UBE2U: variants seen among roughly 807,000 people sequenced by gnomAD.
The protein encoded by UBE2U is ubiquitin-conjugating enzyme E2 U.
UBE2U carries 39 observed loss-of-function variants against 41.2 expected under a neutral mutation model. The observed-to-expected ratio is 0.95, with a 90% CI of 0.73 to 1.24. The LOEUF is 1.24. UBE2U is among the 50% of genes most tolerant of loss of function. The pLI, the probability that UBE2U is intolerant of heterozygous loss-of-function variation, is 0.00. For missense variants in UBE2U, 336 were observed against 363.1 expected (o/e 0.93, Z 0.61); for synonymous variants, 107 against 117.8 (o/e 0.91, Z 0.60).
intron 4 of UBE2U, among the ~76,000 whole-genome samples, chr1:64,212,301 A>C (rs1651710599): frequency 6.6e-6 from 1 of 152,224 alleles, no homozygotes; most frequent in Non-Finnish European, 1.5e-5. Flanking sequence ...ATGATCCCAA[A>C]ATGTAATGAG....
chr1:64,227,026 C>T (rs368303363), intron 6 of UBE2U, among the ~76,000 whole-genome samples: 36 of 152,216 alleles, frequency 2.4e-4, no homozygotes, highest in African/African-American at 7.2e-4. Flanking sequence ...AGGGAAAAGC[C>T]GTAAAATTAT....
At chr1:64,240,285 A>G (rs825188) in intron 7 of UBE2U, among the ~76,000 whole-genome samples, 1,935 of 152,314 alleles carry the variant, frequency 0.013, 27 homozygotes, top group African/African-American at 0.044. Context: ...AAAAGAGTTT[A>G]TCACCAGGGC....
chr1:64,221,669 A>G (rs548037074), intron 6 of UBE2U, among the ~76,000 whole-genome samples: 1 of 152,330 alleles, frequency 6.6e-6, no homozygotes, highest in African/African-American at 2.4e-5. Context: ...TTTCTTGAGC[A>G]TTTCCATCAG....
intron 7 of UBE2U, among the ~76,000 whole-genome samples, 188 bp downstream of exon 7, chr1:64,232,837 C>G (rs964008578): frequency 6.6e-6 from 1 of 151,880 alleles, no homozygotes; most frequent in Non-Finnish European, 1.5e-5. Flanking sequence ...ATAATTTTAA[C>G]TTTTTGTCTT....
intron 8 of UBE2U, among the ~76,000 whole-genome samples, chr1:64,256,601 C>G (rs1645095688): frequency 6.6e-6 from 1 of 152,118 alleles, no homozygotes; most frequent in African/African-American, 2.4e-5. Context: ...TTCCTTCCAC[C>G]TTACACAAAA....
intron 3 of UBE2U, 41 bp from the exon 4 acceptor site, chr1:64,210,697 ATAAT>A: frequency 8.2e-7 from 1 of 1,226,174 alleles, no homozygotes; most frequent in Non-Finnish European, 1.1e-6. Flanking sequence ...GTTTTAAATA[ATAAT>A]TTATTATAAA....
At position 64,230,591 on chromosome 1, in the gene UBE2U, C is replaced by A. The variant is rs553009343; in HGVS notation, c.507-1970C>A. Among the ~76,000 whole-genome samples, 3 of 152,130 alleles carry A rather than the reference C, an allele frequency of 2.0e-5. No homozygotes were observed. The East Asian group carries it at 5.8e-4, about 29-fold the overall frequency. On this transcript the variant is annotated intron_variant, in intron 6 of 9. Transcript: ENST00000371077. ...ACTCTTCCCTTGGCCTACAGTGCCCCCTTATTTTTTTTTTCCAGACCTGTA... is the reference window on the plus strand; with the variant it reads ...ACTCTTCCCTTGGCCTACAGTGCCCACTTATTTTTTTTTTCCAGACCTGTA...
intron 8 of UBE2U, among the ~76,000 whole-genome samples, chr1:64,250,793 C>T (rs1179652247): frequency 6.6e-6 from 1 of 151,726 alleles, no homozygotes; most frequent in African/African-American, 2.4e-5. Flanking sequence ...AACCATCATT[C>T]TCAGCAAACT....
intron 7 of UBE2U, among the ~76,000 whole-genome samples, chr1:64,239,045 A>AAAG (rs552575122): frequency 1.7e-5 from 2 of 116,244 alleles, no homozygotes; most frequent in South Asian, 2.8e-4. Context: ...CCCATCTCAA[A>AAAG]AAGAAGAAGA....
intron 6 of UBE2U, among the ~76,000 whole-genome samples, chr1:64,224,459 T>A (rs901147682): frequency 1.3e-5 from 2 of 152,114 alleles, no homozygotes; most frequent in Non-Finnish European, 2.9e-5. Context: ...GCAGTGGCTC[T>A]TGCCTGTAAT....
intron 7 of UBE2U, among the ~76,000 whole-genome samples, chr1:64,234,911 C>T (rs990900158): frequency 1.3e-5 from 2 of 152,132 alleles, no homozygotes; most frequent in Non-Finnish European, 2.9e-5. Flanking sequence ...TTAATTGGCA[C>T]ACTCTAGGGA....
chr1:64,222,627 T>C (rs981844859), intron 6 of UBE2U, among the ~76,000 whole-genome samples: 2 of 152,222 alleles, frequency 1.3e-5, no homozygotes, highest in Non-Finnish European at 2.9e-5. Context: ...TGCACTTCGT[T>C]GTGTGTCTGT....
At chr1:64,249,370 T>C (rs1570120907) in intron 8 of UBE2U, among the ~76,000 whole-genome samples, 2 of 115,016 alleles carry the variant, frequency 1.7e-5, no homozygotes, top group Non-Finnish European at 1.7e-5. Flanking sequence ...AGAGTGAGAC[T>C]CTGTCTCAAA....
intron 8 of UBE2U, 113 bp from the exon 9 acceptor site, chr1:64,260,490 C>G (rs1645163835): frequency 2.7e-6 from 2 of 745,834 alleles, no homozygotes; most frequent in Admixed American, 2.9e-5. Context: ...ATATTCAAAG[C>G]CTATTGTTCT....
At chr1:64,259,656 A>T (rs372663283) in intron 8 of UBE2U, among the ~76,000 whole-genome samples, 2 of 152,184 alleles carry the variant, frequency 1.3e-5, no homozygotes, top group Admixed American at 6.5e-5. Context: ...TTTGTTGCCA[A>T]AAGTTTTCTT....
At chr1:64,226,691 A>G (rs1652891203) in intron 6 of UBE2U, among the ~76,000 whole-genome samples, 1 of 151,818 alleles carries the variant, frequency 6.6e-6, no homozygotes, top group Admixed American at 6.6e-5. Context: ...ATATTCAATT[A>G]TCTTTACAAC....
rs56972795 is a variant in UBE2U, at chr1:64,208,603, C to CAAAAAAAAAA, written c.241+1781_241+1790dup. ...TGGGCAACAGAACAAGACGCTGTCT[C>CAAAAAAAAAA]AAAAAAAAAAAAAAAAAAAAAAAAA... On this transcript the variant is annotated intron_variant, in intron 3 of 9. Transcript: ENST00000371077. 1.9e-4 allele frequency among the ~76,000 whole-genome samples: 7 copies of CAAAAAAAAAA among 36,506 alleles called. 1 individual carries two copies. Among genetic ancestry groups the CAAAAAAAAAA allele is most frequent in the Admixed American group, 9.3e-4 (2 of 2,150 alleles). 23.9% of individuals were successfully genotyped at this position (36,506 alleles called of 152,430 possible).
intron 6 of UBE2U, among the ~76,000 whole-genome samples, chr1:64,225,292 A>C (rs1483446003): frequency 6.6e-6 from 1 of 152,206 alleles, no homozygotes; most frequent in Non-Finnish European, 1.5e-5. Flanking sequence ...CCCTAAATTT[A>C]GTATTTGTAT....
At position 64,244,182 on chromosome 1, in the gene UBE2U, T is replaced by C. The variant is rs1175009219; in HGVS notation, c.677+2449T>C. On this transcript the variant is annotated intron_variant, in intron 8 of 9. Transcript: ENST00000371077. ...TAGGGGAAGAGCATGAGCTTCAGAG[T>C]CAAACAGATGTTGGAGAAATTCTTA... is the stretch of plus-strand genomic sequence containing the variant. 3 of 1,603,312 alleles carry C rather than the reference T, an allele frequency of 1.9e-6. No homozygotes were observed. In the African/African-American group the frequency reaches 4.0e-5, roughly 21 times the overall value.
Sources: allele counts gnomAD v4.1 joint callset (sites outside exome capture counted in the v4.1 genomes callset), GRCh38; gene constraint gnomAD v4.1.1; transcripts MANE v1.5; gene names NCBI Gene and HGNC (gene_info 2026-07-23, HGNC 2026-07-21).